Variants in SRPRA observed in about 807,000 individuals in gnomAD.
The protein encoded by SRPRA is signal recognition particle receptor subunit alpha.
SRPRA carries 30 observed loss-of-function variants against 61.1 expected under a neutral mutation model. The ratio of observed to expected loss-of-function variants is 0.49; its 90% confidence interval spans 0.37 to 0.67. SRPRA has a LOEUF of 0.67. SRPRA is among the 30% of genes least tolerant of loss of function. SRPRA has a pLI of 0.00. For synonymous variants in SRPRA, 324 were observed against 299.7 expected (o/e 1.08, Z -0.84); for missense variants, 759 against 828.4 (o/e 0.92, Z 1.03).
At chr11:126,260,832 T>TA (rs1190567388), downstream of SRPRA, 1 of 152,354 alleles carries the variant, frequency 6.6e-6, no homozygotes, top group Non-Finnish European at 1.5e-5. Flanking sequence ...TGCCAAGTGT[T>TA]ATCCAGTAGA....
rs1950770047 is a variant in SRPRA, at chr11:126,264,602, CCT to C, written c.1526-65_1526-64del. On this transcript the variant is annotated intron_variant, in intron 11 of 13. Transcript: ENST00000332118. The surrounding 1 kb of genome is among the most constrained non-coding windows in gnomAD (Gnocchi z 5.0). The stretch of plus-strand genomic sequence containing the variant: ...TACCACTCATGCTCGTTCCCAGCTT[CCT>C]CTCAAAAAGTCCTAGTTTGACTACC... The C allele has an allele frequency of 1.3e-6, 2 of 1,577,418 alleles. No homozygotes were observed. Among genetic ancestry groups the C allele is most frequent in the East Asian group, 2.2e-5 (1 of 44,572 alleles).
rs749096101 is a variant in SRPRA at position 126,268,016 on chromosome 11, T to C, written c.188A>G (p.Glu63Gly). Residue 63 changes from glutamate to glycine, a missense_variant, in exon 2 of 14, where the codon GAG (glutamate) becomes GGG (glycine). Coordinates refer to ENST00000332118, the MANE Select transcript of SRPRA (RefSeq NM_003139.4). Reference protein sequence around the residue: ...TLKYKLDNQFELVFVVGFQKI... With the variant: ...TLKYKLDNQFGLVFVVGFQKI... ...CACCCCACTTACCACAAACACCAGCTCAAACTGGTTGTCCAGTTTATACTT... is the reference window on the plus strand; with the variant it reads ...CACCCCACTTACCACAAACACCAGCCCAAACTGGTTGTCCAGTTTATACTT... The C allele has an allele frequency of 1.9e-6, 3 of 1,614,134 alleles. No homozygotes were observed. Among genetic ancestry groups the C allele is most frequent in the Non-Finnish European group, 2.5e-6 (3 of 1,180,010 alleles).
chr11:126,257,981 A>G (rs1565341391), downstream of SRPRA, among the ~76,000 whole-genome samples: 2 of 152,330 alleles, frequency 1.3e-5, no homozygotes, highest in East Asian at 1.9e-4. Context: ...AAAACCTCAC[A>G]TTGCCAGGCT....
chr11:126,265,584 A>C lies in SRPRA; in HGVS notation c.1139-144T>G. On this transcript the variant is annotated intron_variant, in intron 9 of 13. Transcript: ENST00000332118. This position sits in a 1 kb window ranked among gnomAD's most constrained non-coding sequence, Gnocchi z 6.3. ...TCCAGAACAGACGCACATTACAAGG[A>C]CTAACTCACTGAATCCTCTCAATAA... The C allele has an allele frequency of 8.4e-7, 1 of 1,193,560 alleles. No homozygotes were observed. Among genetic ancestry groups the C allele is most frequent in the South Asian group, 1.4e-5 (1 of 71,584 alleles). The allele number at this position is 1,193,560 out of a possible 1,614,324, so 73.9% of individuals were successfully genotyped here.
chr11:126,264,508 C>T lies in SRPRA; in HGVS notation c.1557G>A (p.Val519=), dbSNP rs750199178. 6.2e-7 allele frequency: 1 copy of T among 1,613,556 alleles called. No homozygotes were observed. The highest frequency in any genetic ancestry group is 1.1e-5 in the South Asian group (1 of 91,044). ...ARNQGFDVVL[V]DTAGRMQDNA... Reference sequence around the variant, plus strand: ...TGTCTTGCATGCGGCCTGCCGTGTCCACCAGCACCACGTCAAAGCCTTGGT... The same window carrying T: ...TGTCTTGCATGCGGCCTGCCGTGTCTACCAGCACCACGTCAAAGCCTTGGT... Residue 519 remains valine, a synonymous_variant, in exon 12 of 14, where the codon GTG becomes GTA. Transcript: ENST00000332118. The surrounding 1 kb of genome is among the most constrained non-coding windows in gnomAD (Gnocchi z 5.0).
the SRPRA span, among the ~76,000 whole-genome samples, chr11:126,245,909 T>C: frequency 1.3e-5 from 2 of 151,492 alleles, no homozygotes; most frequent in South Asian, 4.2e-4. Context: ...GGCAGGAGAA[T>C]TGCTTGAACC....
rs766272642 is a variant in SRPRA at position 126,264,586 on chromosome 11, T to C, written c.1526-47A>G. 3.1e-6 allele frequency: 5 copies of C among 1,597,846 alleles called. No homozygotes were observed. The highest frequency in any genetic ancestry group is 3.4e-6 in the Non-Finnish European group (4 of 1,171,752). On this transcript the variant is annotated intron_variant, in intron 11 of 13. Transcript: ENST00000332118. This position sits in a 1 kb window ranked among gnomAD's most constrained non-coding sequence, Gnocchi z 5.0. ...CTCTGAACACCTGGACTACCACTCA[T>C]GCTCGTTCCCAGCTTCCTCTCAAAA...
chr11:126,265,016 A>G lies in SRPRA; in HGVS notation c.1468T>C (p.Phe490Leu), dbSNP rs1397280193. The part of the protein sequence containing the change: ...KHGGRTMVQL[F>L]EKGYGKDAAG... Reference sequence around the variant, plus strand: ...GCATCCTTGCCATAGCCCTTTTCAAACAACTGCACCATGGTGCGGCCACCA... The same window carrying G: ...GCATCCTTGCCATAGCCCTTTTCAAGCAACTGCACCATGGTGCGGCCACCA... Residue 490 changes from phenylalanine (F) to leucine (L), a missense_variant, in exon 11 of 14, where the codon TTT becomes CTT. This residue lies in a region of SRPRA where 284 missense variants were observed against 365.9 expected (regional missense o/e 0.78). Coordinates refer to ENST00000332118, the MANE Select transcript of SRPRA (RefSeq NM_003139.4). This position sits in a 1 kb window ranked among gnomAD's most constrained non-coding sequence, Gnocchi z 6.3. 1 of 1,614,072 alleles carries G rather than the reference A, an allele frequency of 6.2e-7. No homozygotes were observed. Among genetic ancestry groups the G allele is most frequent in the African/African-American group, 1.3e-5 (1 of 74,940 alleles).
intron 6 of SRPRA, 21 bp downstream of exon 6, chr11:126,266,455 T>G: frequency 6.2e-7 from 1 of 1,610,050 alleles, no homozygotes; most frequent in Non-Finnish European, 8.5e-7. Flanking sequence ...AAAGATCACT[T>G]TGACCCCTGT....
At position 126,267,489 on chromosome 11, in the gene SRPRA, C is replaced by G. The variant is rs1309999791; in HGVS notation, c.365+60G>C. 10 of 1,607,472 alleles carry G rather than the reference C, an allele frequency of 6.2e-6. No homozygotes were observed. Among genetic ancestry groups the G allele is most frequent in the Non-Finnish European group, 8.5e-6 (10 of 1,176,120 alleles). On this transcript the variant is annotated intron_variant, in intron 3 of 13. Coordinates refer to ENST00000332118, the MANE Select transcript of SRPRA (RefSeq NM_003139.4). This position sits in a 1 kb window ranked among gnomAD's most constrained non-coding sequence, Gnocchi z 4.2. ...CATCAATTTACCACCTTTGAACCAC[C>G]TTCAGAGAGGTCATCAAATCATGGA...
chr11:126,253,479 C>A, the SRPRA span, among the ~76,000 whole-genome samples: 1 of 152,116 alleles, frequency 6.6e-6, no homozygotes, highest in Non-Finnish European at 1.5e-5. The surrounding 1 kb of genome is among the most constrained non-coding windows in gnomAD (Gnocchi z 5.1). Flanking sequence ...TCGCTGGCAG[C>A]CTTTTAGGTT....
chr11:126,267,738 A>G lies in SRPRA; in HGVS notation c.202-26T>C. On this transcript the variant is annotated intron_variant, in intron 2 of 13. Coordinates refer to ENST00000332118, the MANE Select transcript of SRPRA (RefSeq NM_003139.4). The surrounding 1 kb of genome is among the most constrained non-coding windows in gnomAD (Gnocchi z 4.2). ...CTGTTTAGGGGAAGAAACAGCCAAC[A>G]GATCTGCTTACATACTAGCCTAGAA... The G allele has an allele frequency of 4.3e-6, 7 of 1,613,628 alleles. No individual in the cohort carries two copies. Among genetic ancestry groups the G allele is most frequent in the Non-Finnish European group, 5.9e-6 (7 of 1,179,798 alleles).
At chr11:126,255,490 TAC>T in the SRPRA span, among the ~76,000 whole-genome samples, 38 of 151,648 alleles carry the variant, frequency 2.5e-4, no homozygotes, top group African/African-American at 7.0e-4. This position sits in a 1 kb window ranked among gnomAD's most constrained non-coding sequence, Gnocchi z 4.6. Context: ...TGTATATGTA[TAC>T]ACACACACAC....
At chr11:126,261,150 TATGTGAA>T (rs544443149), downstream of SRPRA, 2,153 of 255,152 alleles carry the variant, frequency 8.4e-3, 29 homozygotes, top group Non-Finnish European at 8.3e-3. Context: ...ATGTTGCCTG[TATGTGAA>T]ATGTAAAATG....
At position 126,266,728 on chromosome 11, in the gene SRPRA, C is replaced by T. The variant is rs549042425; in HGVS notation, c.686+35G>A. ...CCTTGCACCCATTGTGTCTAGATAA[C>T]AGTATTTTGAGAGTACTGGAGAAAG... On this transcript the variant is annotated intron_variant, in intron 5 of 13. Coordinates refer to ENST00000332118, the MANE Select transcript of SRPRA (RefSeq NM_003139.4). 14 of 1,611,414 alleles carry T rather than the reference C, an allele frequency of 8.7e-6. No homozygotes were observed. In the South Asian group the frequency reaches 1.2e-4, roughly 14 times the overall value.
chr11:126,261,452 A>AT, downstream of SRPRA: 1 of 1,614,062 alleles, frequency 6.2e-7, no homozygotes, highest in Middle Eastern at 1.6e-4. Context: ...GGTCAGCTAA[A>AT]TGGCTCATCT....
chr11:126,265,119 A>G lies in SRPRA; in HGVS notation c.1365T>C (p.Asp455=), dbSNP rs769889264. 1 of 1,614,194 alleles carries G rather than the reference A, an allele frequency of 6.2e-7. No homozygotes were observed. Among genetic ancestry groups the G allele is most frequent in the Non-Finnish European group, 8.5e-7 (1 of 1,180,040 alleles). The change falls in exon 11 of 14, where the codon GAT becomes GAC. Residue 455 remains aspartate, a synonymous_variant. Coordinates refer to ENST00000332118, the MANE Select transcript of SRPRA (RefSeq NM_003139.4). The surrounding 1 kb of genome is among the most constrained non-coding windows in gnomAD (Gnocchi z 6.3). ...NGFSVLIAAC[D]TFRAGAVEQL... is the part of the protein sequence containing the mutation. The stretch of plus-strand genomic sequence containing the variant: ...GCTCCACGGCCCCAGCACGAAATGT[A>G]TCACAGGCAGCAATGAGGACACTGA...
chr11:126,268,837 C>G lies in SRPRA; in HGVS notation c.-33G>C. ...GCGGCAGAGGAGCTGGGGCCGGCGCCGGGAATTCAGGCCGCGTTCGCCGCC... is the reference window on the plus strand; with the variant it reads ...GCGGCAGAGGAGCTGGGGCCGGCGCGGGGAATTCAGGCCGCGTTCGCCGCC... On this transcript the variant is annotated 5_prime_UTR_variant, in exon 1 of 14. Transcript: ENST00000332118. The G allele has an allele frequency of 6.3e-7, 1 of 1,582,178 alleles. No individual in the cohort carries two copies. The highest frequency in any genetic ancestry group is 8.7e-7 in the Non-Finnish European group (1 of 1,152,794).
chr11:126,241,061 G>A, the SRPRA span: 825 of 1,538,060 alleles, frequency 5.4e-4, 1 homozygote, highest in Middle Eastern at 6.5e-3. Flanking sequence ...ACCCTAGTAT[G>A]TGCCACAGTA....
Sources: allele counts gnomAD v4.1 joint callset (sites outside exome capture counted in the v4.1 genomes callset), GRCh38; gene constraint gnomAD v4.1.1; regional missense constraint gnomAD v4.1.1; non-coding constraint Gnocchi (gnomAD v3.1); transcripts MANE v1.5; gene names NCBI Gene and HGNC (gene_info 2026-07-23, HGNC 2026-07-21).